The following REV3L variants were observed in gnomAD, a reference collection of about 807,000 sequenced individuals.
REV3L encodes the protein DNA polymerase zeta catalytic subunit.
A neutral mutation model predicts 299.4 loss-of-function variants in REV3L; 69 were observed. That is an observed-to-expected ratio of 0.23 (90% CI 0.19 to 0.28). The LOEUF (loss-of-function observed/expected upper bound fraction) is 0.28, where lower values mean the gene tolerates loss of function less well. REV3L is among the 10% of genes least tolerant of loss of function. The probability of loss-of-function intolerance (pLI) is 1.00; values close to 1 mark genes in which losing one functional copy is unlikely to be tolerated. For missense variants in REV3L, 3,128 were observed against 3,693.8 expected (o/e 0.85, Z 3.97); for synonymous variants, 1,238 against 1,271.4 (o/e 0.97, Z 0.56).
chr6:111,315,587 C>T, intron 26 of REV3L: 1 of 548,764 alleles, frequency 1.8e-6, no homozygotes, highest in Non-Finnish European at 3.3e-6. Context: ...TCTTTTAAGA[C>T]ATCCAATATT....
Position 111,374,061 on chromosome 6 carries a change from T to G in REV3L, c.4294A>C (p.Ile1432Leu), listed in dbSNP as rs1236098474. The part of the protein sequence containing the change: ...CKDSQQQIVC[I>L]AEQSKHSETC... ...TCACTGTGCTTTGACTGTTCCGCTATGCACACAATCTGCTGCTGACTGTCT... is the reference window on the plus strand; with the variant it reads ...TCACTGTGCTTTGACTGTTCCGCTAGGCACACAATCTGCTGCTGACTGTCT... Residue 1432 changes from isoleucine to leucine, a missense_variant, in exon 13 of 32, where the codon ATA becomes CTA. Coordinates refer to ENST00000368802, the MANE Select transcript of REV3L (RefSeq NM_001372078.1). The G allele has an allele frequency of 1.9e-6, 3 of 1,614,166 alleles. No individual in the cohort carries two copies. Among genetic ancestry groups the G allele is most frequent in the Middle Eastern group, 1.6e-4 (1 of 6,062 alleles).
At chr6:111,323,341 G>T (rs1774407436) in intron 25 of REV3L, among the ~76,000 whole-genome samples, 1 of 152,166 alleles carries the variant, frequency 6.6e-6, no homozygotes, top group Non-Finnish European at 1.5e-5. Context: ...AGCACTCTTT[G>T]TGGGTGCATG....
intron 1 of REV3L, among the ~76,000 whole-genome samples, chr6:111,444,594 A>T (rs774947871): frequency 3.3e-5 from 5 of 152,230 alleles, no homozygotes; most frequent in Non-Finnish European, 7.3e-5. Context: ...GAAAAGGAAG[A>T]AAAGGAAAGT....
intron 21 of REV3L, among the ~76,000 whole-genome samples, chr6:111,336,989 T>C (rs2114861700): frequency 6.6e-6 from 1 of 151,298 alleles, no homozygotes; most frequent in African/African-American, 2.4e-5. Context: ...AATTAGAGAA[T>C]TAAAAAGCTG....
chr6:111,319,203 C>T (rs1288394046), intron 26 of REV3L, among the ~76,000 whole-genome samples: 1 of 152,154 alleles, frequency 6.6e-6, no homozygotes, highest in African/African-American at 2.4e-5. Context: ...TGGCTCATGC[C>T]TGTAATCCCA....
rs1241218300 is a variant in REV3L at position 111,388,989 on chromosome 6, A to G, written c.862+117T>C. 4 of 710,676 alleles carry G rather than the reference A, an allele frequency of 5.6e-6. No homozygotes were observed. In the Admixed American group the frequency reaches 8.2e-5, roughly 15 times the overall value. 44.0% of individuals were successfully genotyped at this position (710,676 alleles called of 1,614,324 possible). On this transcript the variant is annotated intron_variant, in intron 7 of 31. Transcript: ENST00000368802. Reference sequence around the variant, plus strand: ...CAATGACAACAAGAAAAATACATACAAAATATAAAGGTCATTTGAAAAGTA... The same window carrying G: ...CAATGACAACAAGAAAAATACATACGAAATATAAAGGTCATTTGAAAAGTA...
chr6:111,343,705 T>A (rs1453178750), intron 21 of REV3L, among the ~76,000 whole-genome samples: 1 of 152,118 alleles, frequency 6.6e-6, no homozygotes, highest in Admixed American at 6.5e-5. Flanking sequence ...AATTTTTGTA[T>A]TTTTAGTAGA....
intron 19 of REV3L, 111 bp downstream of exon 19, chr6:111,351,565 C>T (rs1337951988): frequency 3.1e-6 from 2 of 653,786 alleles, no homozygotes; most frequent in Non-Finnish European, 5.2e-6. Flanking sequence ...ACTTACACAA[C>T]TTAGTACTAA....
intron 2 of REV3L, chr6:111,411,875 G>C (rs2128280913): frequency 7.2e-6 from 4 of 554,728 alleles, no homozygotes; most frequent in Non-Finnish European, 9.2e-6. Context: ...CAAACATCAA[G>C]ACTCTTTAAG....
At chr6:111,464,189 A>G (rs536628242) in intron 1 of REV3L, among the ~76,000 whole-genome samples, 3 of 152,222 alleles carry the variant, frequency 2.0e-5, no homozygotes, top group East Asian at 1.9e-4. Flanking sequence ...TGCAAGGAGA[A>G]AAGTGGAAAA....
At position 111,375,836 on chromosome 6, in the gene REV3L, T is replaced by C. The variant is rs1057247435; in HGVS notation, c.2519A>G (p.His840Arg). The C allele has an allele frequency of 1.2e-6, 2 of 1,613,526 alleles. No homozygotes were observed. Among genetic ancestry groups the C allele is most frequent in the South Asian group, 2.2e-5 (2 of 90,958 alleles). The change falls in exon 13 of 32, where the codon CAT becomes CGT. Residue 840 changes from histidine to arginine, a missense_variant. Physicochemically the swap from His to Arg is conservative, Grantham distance 29. Transcript: ENST00000368802. ...LKLNKRKLAG[H>R]QETSTKSSET... Reference sequence around the variant, plus strand: ...ACTACTTTTGGTAGAAGTCTCCTGATGACCTGCAAGTTTCCTTTTATTCAA... The same window carrying C: ...ACTACTTTTGGTAGAAGTCTCCTGACGACCTGCAAGTTTCCTTTTATTCAA...
chr6:111,315,408 T>C (rs776049294), intron 26 of REV3L, 27 bp from the exon 27 acceptor site: 15 of 1,581,548 alleles, frequency 9.5e-6, no homozygotes, highest in Non-Finnish European at 1.1e-5. Flanking sequence ...TAAAGTAAGG[T>C]AATGAGGAAG....
Position 111,310,029 on chromosome 6 carries a change from C to A in REV3L, c.8866G>T (p.Gly2956Trp). 6.2e-7 allele frequency: 1 copy of A among 1,612,560 alleles called. No individual in the cohort carries two copies. Among genetic ancestry groups the A allele is most frequent in the Non-Finnish European group, 8.5e-7 (1 of 1,179,258 alleles). ...GERVPYVIIY[G>W]TPGVPLIQLV... is the part of the protein sequence containing the mutation. ...TGGATAAGTGGTACTCCGGGGGTCCCATAAATGATGACGTATGGCACTCGC... is the reference window on the plus strand; with the variant it reads ...TGGATAAGTGGTACTCCGGGGGTCCAATAAATGATGACGTATGGCACTCGC... Residue 2956 changes from glycine to tryptophan, a missense_variant, in exon 30 of 32, where the codon GGG becomes TGG. Coordinates refer to ENST00000368802, the MANE Select transcript of REV3L (RefSeq NM_001372078.1).
intron 6 of REV3L, among the ~76,000 whole-genome samples, chr6:111,389,785 G>A (rs1421909350): frequency 7.6e-6 from 1 of 131,378 alleles, no homozygotes; most frequent in African/African-American, 3.0e-5. Flanking sequence ...TCACCAGGCT[G>A]GAGTGCAGTG....
intron 16 of REV3L, 83 bp from the exon 17 acceptor site, chr6:111,359,097 T>C: frequency 8.8e-7 from 1 of 1,142,074 alleles, no homozygotes; most frequent in Non-Finnish European, 1.2e-6. Flanking sequence ...TAGGGAAATA[T>C]GTATGTAAGA....
intron 25 of REV3L, among the ~76,000 whole-genome samples, chr6:111,325,705 C>A (rs1393153264): frequency 3.3e-5 from 5 of 152,168 alleles, no homozygotes; most frequent in Non-Finnish European, 7.3e-5. Flanking sequence ...TGTACACAGG[C>A]AGACAATGTG....
intron 4 of REV3L, among the ~76,000 whole-genome samples, chr6:111,394,706 A>T (rs1260926985): frequency 2.9e-5 from 4 of 139,458 alleles, no homozygotes; most frequent in Non-Finnish European, 3.1e-5. Flanking sequence ...CTGTCCTACA[A>T]TTTTTTTTTT....
chr6:111,392,861 A>G lies in REV3L; in HGVS notation c.662+15T>C, dbSNP rs1582821045. ...TATATGTAAAATTTTCATTTCCTTT[A>G]CAACATTAACTAACCTTGGTATTTC... is the stretch of plus-strand genomic sequence containing the variant. On this transcript the variant is annotated intron_variant, in intron 5 of 31. Coordinates refer to ENST00000368802, the MANE Select transcript of REV3L (RefSeq NM_001372078.1). 6.5e-7 allele frequency: 1 copy of G among 1,531,858 alleles called. No individual in the cohort carries two copies. The allele number at this position is 1,531,858 out of a possible 1,614,324, so 94.9% of individuals were successfully genotyped here.
Position 111,398,879 on chromosome 6 carries a change from C to T in REV3L, c.566-5907G>A, listed in dbSNP as rs550890110. 9.3e-4 allele frequency among the ~76,000 whole-genome samples: 141 copies of T among 152,202 alleles called. 1 individual carries two copies. The highest frequency in any genetic ancestry group is 8.5e-3 in the South Asian group (41 of 4,824). On this transcript the variant is annotated intron_variant, in intron 4 of 31. Transcript: ENST00000368802. The stretch of plus-strand genomic sequence containing the variant: ...AGATGTAAATTTTTTTATCATACTG[C>T]AATTTCCCTGTTTTTAACTTCCTTT...
Sources: allele counts gnomAD v4.1 joint callset (sites outside exome capture counted in the v4.1 genomes callset), GRCh38; gene constraint gnomAD v4.1.1; transcripts MANE v1.5; gene names NCBI Gene and HGNC (gene_info 2026-07-23, HGNC 2026-07-21).